The following CRPPA variants were observed in gnomAD, a reference collection of about 807,000 sequenced individuals.
The protein encoded by CRPPA is CDP-L-ribitol pyrophosphorylase A.
CRPPA carries 43 observed loss-of-function variants against 52.0 expected under a neutral mutation model. The observed-to-expected ratio is 0.83, with a 90% CI of 0.65 to 1.07. The LOEUF is 1.07. CRPPA is among the 50% of genes least tolerant of loss of function. CRPPA has a pLI of 0.00. For synonymous variants in CRPPA, 250 were observed against 203.5 expected, an observed-to-expected ratio of 1.23 and a Z score of -1.94; for missense variants, 629 against 551.7, an observed-to-expected ratio of 1.14 and a Z score of -1.40.
At chr7:16,383,272 G>A (rs560996232) in intron 2 of CRPPA, among the ~76,000 whole-genome samples, 1 of 152,306 alleles carries the variant, frequency 6.6e-6, no homozygotes, top group African/African-American at 2.4e-5. Context: ...GACCCTGTTT[G>A]CCTGGGTATC....
intron 3 of CRPPA, 104 bp downstream of exon 3, chr7:16,375,988 T>C (rs1786870191): frequency 9.0e-7 from 1 of 1,106,610 alleles, no homozygotes; most frequent in Admixed American, 2.6e-5. Flanking sequence ...GCCTTGAGTA[T>C]AACTATACGC....
intron 8 of CRPPA, among the ~76,000 whole-genome samples, chr7:16,245,450 G>A (rs1428881535): frequency 6.6e-6 from 1 of 152,116 alleles, no homozygotes; most frequent in Non-Finnish European, 1.5e-5. Context: ...GATGAAGCCT[G>A]ATCAGTCATA....
intron 8 of CRPPA, among the ~76,000 whole-genome samples, chr7:16,226,709 T>C (rs1782661524): frequency 6.6e-6 from 1 of 151,926 alleles, no homozygotes; most frequent in Non-Finnish European, 1.5e-5. Flanking sequence ...CAGATAAGAT[T>C]GATAAGTTTA....
intron 3 of CRPPA, among the ~76,000 whole-genome samples, chr7:16,366,129 T>G (rs770659521): frequency 1.2e-4 from 19 of 152,288 alleles, no homozygotes; most frequent in Non-Finnish European, 2.5e-4. Flanking sequence ...TGTTGCATCA[T>G]CACTTGGCAG....
chr7:16,227,157 T>C (rs1782673896), intron 8 of CRPPA, among the ~76,000 whole-genome samples: 1 of 151,990 alleles, frequency 6.6e-6, no homozygotes, highest in African/African-American at 2.4e-5. Flanking sequence ...CTTAGGTTGA[T>C]TCCATATCCT....
chr7:16,337,440 A>G (rs1016466922), intron 3 of CRPPA, among the ~76,000 whole-genome samples: 2 of 152,170 alleles, frequency 1.3e-5, no homozygotes, highest in Admixed American at 1.3e-4. Context: ...CAACATACCA[A>G]AACTTATAGC....
At chr7:16,169,824 A>G (rs555698948) in intron 9 of CRPPA, among the ~76,000 whole-genome samples, 1 of 152,346 alleles carries the variant, frequency 6.6e-6, no homozygotes, top group African/African-American at 2.4e-5. Context: ...CTACTTAGAC[A>G]ATGGAAAACA....
At chr7:16,192,088 G>C (rs990311054) in intron 9 of CRPPA, among the ~76,000 whole-genome samples, 1 of 151,978 alleles carries the variant, frequency 6.6e-6, no homozygotes, top group Non-Finnish European at 1.5e-5. Context: ...TCAGCTCAGA[G>C]TGGTTCAAAA....
At chr7:16,249,928 T>G (rs1783396976) in intron 8 of CRPPA, among the ~76,000 whole-genome samples, 1 of 151,900 alleles carries the variant, frequency 6.6e-6, no homozygotes, top group Non-Finnish European at 1.5e-5. Context: ...CATAACAAAC[T>G]CCTCCGAGCT....
At chr7:16,326,340 T>C (rs1195482770) in intron 3 of CRPPA, among the ~76,000 whole-genome samples, 2 of 152,186 alleles carry the variant, frequency 1.3e-5, no homozygotes, top group African/African-American at 4.8e-5. Flanking sequence ...TAGCTTTCAC[T>C]GTGATGATAT....
At chr7:16,357,419 A>G (rs1229006662) in intron 3 of CRPPA, among the ~76,000 whole-genome samples, 1 of 152,028 alleles carries the variant, frequency 6.6e-6, no homozygotes, top group Non-Finnish European at 1.5e-5. Flanking sequence ...CCCTCAAGTG[A>G]TCTGCCCTTC....
chr7:16,378,929 A>G (rs889380927), intron 2 of CRPPA, among the ~76,000 whole-genome samples: 2 of 152,034 alleles, frequency 1.3e-5, no homozygotes, highest in African/African-American at 2.4e-5. Flanking sequence ...GTGTCTGTTC[A>G]TCTCCTTCAC....
At chr7:16,354,924 C>A (rs2128308316) in intron 3 of CRPPA, among the ~76,000 whole-genome samples, 1 of 152,046 alleles carries the variant, frequency 6.6e-6, no homozygotes, top group African/African-American at 2.4e-5. Flanking sequence ...AAGATGAAAA[C>A]CACACAAATA....
intron 9 of CRPPA, among the ~76,000 whole-genome samples, chr7:16,113,416 T>C (rs1239937922): frequency 6.6e-6 from 1 of 152,006 alleles, no homozygotes; most frequent in Non-Finnish European, 1.5e-5. Context: ...TAATAATTTA[T>C]GGTTGTAAAT....
At chr7:16,376,633 C>T (rs920513788) in intron 2 of CRPPA, among the ~76,000 whole-genome samples, 3 of 152,104 alleles carry the variant, frequency 2.0e-5, no homozygotes, top group African/African-American at 7.2e-5. Flanking sequence ...AGGAGAGTTA[C>T]ATATTAGATA....
At chr7:16,160,772 G>C (rs936834020) in intron 9 of CRPPA, among the ~76,000 whole-genome samples, 1 of 152,126 alleles carries the variant, frequency 6.6e-6, no homozygotes, top group Non-Finnish European at 1.5e-5. Flanking sequence ...CCATTTTCAC[G>C]ATATTGATTA....
At chr7:16,118,229 G>A (rs1782416632) in intron 9 of CRPPA, among the ~76,000 whole-genome samples, 1 of 152,156 alleles carries the variant, frequency 6.6e-6, no homozygotes, top group Non-Finnish European at 1.5e-5. Flanking sequence ...TTTTACTTCT[G>A]TCTCTCTGAG....
chr7:16,200,362 C>A (rs1221293321), intron 9 of CRPPA, among the ~76,000 whole-genome samples: 1 of 152,134 alleles, frequency 6.6e-6, no homozygotes, highest in Non-Finnish European at 1.5e-5. Context: ...AGACTACAAA[C>A]CTCAAATCTA....
At chr7:16,328,270 C>A (rs544438970) in intron 3 of CRPPA, among the ~76,000 whole-genome samples, 1 of 152,002 alleles carries the variant, frequency 6.6e-6, no homozygotes, top group African/African-American at 2.4e-5. Flanking sequence ...TGCCTTTGTG[C>A]CCAAATGATT....
Sources: gnomAD v4.1 joint callset for allele counts (sites outside exome capture counted in the v4.1 genomes callset) on GRCh38, gnomAD v4.1.1 for gene constraint, MANE v1.5 for transcripts, NCBI Gene and HGNC (gene_info 2026-07-23, HGNC 2026-07-21) for gene names.